Variants in ROBO4 observed in about 807,000 individuals in gnomAD.
The protein encoded by ROBO4 is roundabout guidance receptor 4, also known as roundabout homolog 4.
Under a neutral mutation model 103.3 loss-of-function variants are expected in ROBO4, and 80 were observed. That is an observed-to-expected ratio of 0.77 (90% CI 0.65 to 0.93). The LOEUF (loss-of-function observed/expected upper bound fraction) is 0.93. Among genes scored for constraint, ROBO4 ranks in the 40% least tolerant of loss-of-function variants. The pLI, the probability that ROBO4 is intolerant of heterozygous loss-of-function variation, is 0.00. For synonymous variants in ROBO4, 504 were observed against 529.7 expected (o/e 0.95, Z 0.67); for missense variants, 1,333 against 1,305.3 (o/e 1.02, Z -0.33).
Position 124,891,525 on chromosome 11 carries a change from C to T in ROBO4, c.1722G>A (p.Leu574=). 6.2e-7 allele frequency: 1 copy of T among 1,614,164 alleles called. No individual in the cohort carries two copies. The highest frequency in any genetic ancestry group is 1.1e-5 in the South Asian group (1 of 91,080). The change falls in exon 12 of 18, where the codon CTG becomes CTA. Residue 574 remains leucine (L), a synonymous_variant. Transcript: ENST00000306534. ...SWDSRSPGVP[L]LPDTSTFYGS... is the part of the protein sequence containing the mutation. ...CATAAAAAGTGCTGGTGTCTGGAAG[C>T]AGGGGCACGCCGGGGCTTCGGGAGT...
Position 124,887,403 on chromosome 11 carries a change from G to A in ROBO4, c.2153C>T (p.Pro718Leu), listed in dbSNP as rs74979341. ...ELVTRHLPPA[P>L]LFPHETPPTQ... ...TGGGGGAGTTTCATGAGGAAAGAGG[G>A]GTGCTGGAGGGAGATGACGAGTAAC... Residue 718 changes from proline (P) to leucine (L), a missense_variant, in exon 14 of 18, where the codon CCC (proline) becomes CTC (leucine). Transcript: ENST00000306534. The A allele has an allele frequency of 6.2e-4, 1,006 of 1,614,080 alleles. 9 individuals are homozygous for A. In the African/African-American group the frequency reaches 0.012, roughly 19 times the overall value.
chr11:124,884,728 A>G lies in ROBO4; in HGVS notation c.*163T>C. On this transcript the variant is annotated 3_prime_UTR_variant, in exon 18 of 18. Coordinates refer to ENST00000306534, the MANE Select transcript of ROBO4 (RefSeq NM_019055.6). ...TCAGCTTTGCTCTAATTTTGTTTTCATTTGTTTTCACAATCGTGGAGGGAG... is the reference window on the plus strand; with the variant it reads ...TCAGCTTTGCTCTAATTTTGTTTTCGTTTGTTTTCACAATCGTGGAGGGAG... The G allele has an allele frequency of 1.2e-6, 1 of 809,548 alleles. No homozygotes were observed. Among genetic ancestry groups the G allele is most frequent in the East Asian group, 2.5e-5 (1 of 40,638 alleles). The allele number at this position is 809,548 out of a possible 1,614,324, so 50.1% of individuals were successfully genotyped here.
chr11:124,886,413 T>C (rs776041909), intron 16 of ROBO4, 51 bp downstream of exon 16: 1 of 1,398,394 alleles, frequency 7.2e-7, no homozygotes, highest in South Asian at 1.3e-5. Context: ...TAACAGTTGT[T>C]AGAAAGGCAA....
rs982457940 is a variant in ROBO4 at position 124,894,986 on chromosome 11, C to T, written c.1149+95G>A. The T allele has an allele frequency of 5.2e-6, 5 of 960,070 alleles. No homozygotes were observed. The Admixed American group carries it at 8.0e-5, about 15-fold the overall frequency. 59.5% of individuals were successfully genotyped at this position (960,070 alleles called of 1,614,324 possible). On this transcript the variant is annotated intron_variant, in intron 7 of 17. Coordinates refer to ENST00000306534, the MANE Select transcript of ROBO4 (RefSeq NM_019055.6). ...TTTCCTTTGCTTCTCTGCCCAGGTA[C>T]CTTTCTCAGTGCCCAGAGCAAGGGT...
In ROBO4 at chr11:124,895,561, C is replaced by T. The variant is rs1946872214; in HGVS notation, c.932G>A (p.Gly311Glu). The T allele has an allele frequency of 6.2e-7, 1 of 1,613,018 alleles. No individual in the cohort carries two copies. The change falls in exon 6 of 18, where the codon GGA becomes GAA. Residue 311 changes from glycine (G) to glutamate (E), a missense_variant. Coordinates refer to ENST00000306534, the MANE Select transcript of ROBO4 (RefSeq NM_019055.6). ...LLAGWQSAEL[G>E]GLHWGQDYEF... ...GTAGTCTTGGCCCCAGTGGAGGCCT[C>T]CAAGCTCTGCGCTCTGCCAGCCGGC...
intron 16 of ROBO4, among the ~76,000 whole-genome samples, chr11:124,886,070 A>C (rs557454207): frequency 6.6e-6 from 1 of 152,310 alleles, no homozygotes; most frequent in Non-Finnish European, 1.5e-5. Context: ...AGGTGCCTGT[A>C]ATCCCAGCTA....
Position 124,884,478 on chromosome 11 carries a change from C to T in ROBO4, c.*413G>A, listed in dbSNP as rs143246734. 138 of 224,936 alleles carry T rather than the reference C, an allele frequency of 6.1e-4. 1 individual carries two copies. The East Asian group carries it at 6.4e-3, about 10-fold the overall frequency. The allele number at this position is 224,936 out of a possible 1,614,324, so 13.9% of individuals were successfully genotyped here. A position where few individuals can be genotyped will look rare whatever the true frequency, so the allele number is the denominator to read the frequency against. ...CCCAGGTAAGGCTGAGAGGGGGCTCCGAGAAGCTCCTTCCTCCACAGCCCT... is the reference window on the plus strand; with the variant it reads ...CCCAGGTAAGGCTGAGAGGGGGCTCTGAGAAGCTCCTTCCTCCACAGCCCT... On this transcript the variant is annotated 3_prime_UTR_variant, in exon 18 of 18. Coordinates refer to ENST00000306534, the MANE Select transcript of ROBO4 (RefSeq NM_019055.6).
rs769724080 is a variant in ROBO4 at position 124,887,053 on chromosome 11, C to T, written c.2359G>A (p.Glu787Lys). 2 of 1,613,826 alleles carry T rather than the reference C, an allele frequency of 1.2e-6. No homozygotes were observed. The highest frequency in any genetic ancestry group is 1.1e-5 in the South Asian group (1 of 91,082). ...GGGGTCAGCACGCTGTCTTGATCCT[C>T]CCCCAGGGATGACAGTGAGGAGCTG... ...LSSSSLSSLG[E>K]DQDSVLTPEE... The change falls in exon 15 of 18, where the codon GAG (glutamate) becomes AAG (lysine). Residue 787 changes from glutamate to lysine, a missense_variant. Glu to Lys is a moderately conservative substitution (Grantham distance 56). Coordinates refer to ENST00000306534, the MANE Select transcript of ROBO4 (RefSeq NM_019055.6).
rs945400191 is a variant in ROBO4 at position 124,884,028 on chromosome 11, C to T, written c.*863G>A. 1 of 152,164 alleles carries T rather than the reference C, an allele frequency of 6.6e-6. No individual in the cohort carries two copies. Among genetic ancestry groups the T allele is most frequent in the Non-Finnish European group, 1.5e-5 (1 of 68,058 alleles). The allele number at this position is 152,164 out of a possible 1,614,324, so 9.4% of individuals were successfully genotyped here. A position where few individuals can be genotyped will look rare whatever the true frequency, so the allele number is the denominator to read the frequency against. On this transcript the variant is annotated 3_prime_UTR_variant, in exon 18 of 18. Transcript: ENST00000306534. ...GACCAGCAGACCCTGAAACTCCCCACCCCTGCCCTTCCTATATTCTGCTTA... is the reference window on the plus strand; with the variant it reads ...GACCAGCAGACCCTGAAACTCCCCATCCCTGCCCTTCCTATATTCTGCTTA...
At position 124,895,575 on chromosome 11, in the gene ROBO4, C is replaced by T; in HGVS notation, c.918G>A (p.Gln306=). 3 of 1,613,350 alleles carry T rather than the reference C, an allele frequency of 1.9e-6. No homozygotes were observed. Among genetic ancestry groups the T allele is most frequent in the Non-Finnish European group, 1.7e-6 (2 of 1,180,020 alleles). ...PWAEELLAGW[Q]SAELGGLHWG... is the part of the protein sequence containing the mutation. ...AGTGGAGGCCTCCAAGCTCTGCGCTCTGCCAGCCGGCCAGCAGCTCCTCTG... is the reference window on the plus strand; with the variant it reads ...AGTGGAGGCCTCCAAGCTCTGCGCTTTGCCAGCCGGCCAGCAGCTCCTCTG... Residue 306 remains glutamine, a synonymous_variant, in exon 6 of 18, where the codon CAG becomes CAA. Transcript: ENST00000306534.
Position 124,884,741 on chromosome 11 carries a change from A to G in ROBO4, c.*150T>C, listed in dbSNP as rs891971551. On this transcript the variant is annotated 3_prime_UTR_variant, in exon 18 of 18. Transcript: ENST00000306534. ...AATTTTGTTTTCATTTGTTTTCACA[A>G]TCGTGGAGGGAGAACTCTCTGGAGG... 33 of 885,858 alleles carry G rather than the reference A, an allele frequency of 3.7e-5. No individual in the cohort carries two copies. The highest frequency in any genetic ancestry group is 6.2e-5 in the Admixed American group (3 of 48,546). 54.9% of individuals were successfully genotyped at this position (885,858 alleles called of 1,614,324 possible). A position where few individuals can be genotyped will look rare whatever the true frequency, so the allele number is the denominator to read the frequency against.
intron 16 of ROBO4, among the ~76,000 whole-genome samples, chr11:124,885,873 C>CTA (rs1946703234): frequency 6.6e-6 from 1 of 152,098 alleles, no homozygotes; most frequent in African/African-American, 2.4e-5. Context: ...GGAAATGGAC[C>CTA]TACAGTTGGC....
rs1565326476 is a variant in ROBO4, at chr11:124,894,286, A to T, written c.1233T>A (p.His411Gln). 1.2e-6 allele frequency: 2 copies of T among 1,614,078 alleles called. No homozygotes were observed. The highest frequency in any genetic ancestry group is 1.7e-6 in the Non-Finnish European group (2 of 1,180,000). ...CTTGCACGCAGTAGGAGCCTGGCAT[A>T]TGGGTGGCGATTTCCAGCTGGGTCT... ...GEQTQLEIAT[H>Q]MPGSYCVQVA... is the part of the protein sequence containing the mutation. Residue 411 changes from histidine to glutamine, a missense_variant, in exon 8 of 18, where the codon CAT (histidine) becomes CAA (glutamine). Coordinates refer to ENST00000306534, the MANE Select transcript of ROBO4 (RefSeq NM_019055.6).
chr11:124,895,838 G>A lies in ROBO4; in HGVS notation c.754C>T (p.Pro252Ser). Residue 252 changes from proline to serine, a missense_variant, in exon 5 of 18, where the codon CCG becomes TCG. Pro to Ser is a moderately conservative substitution (Grantham distance 74). Coordinates refer to ENST00000306534, the MANE Select transcript of ROBO4 (RefSeq NM_019055.6). The stretch of plus-strand genomic sequence containing the variant: ...GGCTTGGGGCCCTCTGCAGGATCCG[G>A]GTTCAGCAGTGTCACATTTTCCAGC... ...IQLENVTLLN[P>S]DPAEGPKPRP... is the part of the protein sequence containing the mutation. 1 of 1,614,158 alleles carries A rather than the reference G, an allele frequency of 6.2e-7. No homozygotes were observed. The highest frequency in any genetic ancestry group is 8.5e-7 in the Non-Finnish European group (1 of 1,180,032).
Position 124,886,610 on chromosome 11 carries a change from T to C in ROBO4, c.2648A>G (p.Asp883Gly). The change falls in exon 16 of 18, where the codon GAC (aspartate) becomes GGC (glycine). Residue 883 changes from aspartate to glycine, a missense_variant. Transcript: ENST00000306534. The stretch of plus-strand genomic sequence containing the variant: ...GCTGGCTCTGGCGCTGGCGGCATTG[T>C]CCTCAGAGGCTGAGCCCCAACCATT... ...LANGWGSASE[D>G]NAASARASLV... is the part of the protein sequence containing the mutation. 6.2e-7 allele frequency: 1 copy of C among 1,614,152 alleles called. No homozygotes were observed. The highest frequency in any genetic ancestry group is 1.1e-5 in the South Asian group (1 of 91,084).
At chr11:124,891,251 G>A (rs375136433) in intron 12 of ROBO4, 48 bp downstream of exon 12, 80 of 1,494,074 alleles carry the variant, frequency 5.4e-5, no homozygotes, top group Non-Finnish European at 6.5e-5. Flanking sequence ...CCCATTCCTG[G>A]GCCCGCCTAC....
Position 124,895,513 on chromosome 11 carries a change from G to A in ROBO4, c.980C>T (p.Ser327Phe). The A allele has an allele frequency of 6.2e-7, 1 of 1,611,748 alleles. No homozygotes were observed. The highest frequency in any genetic ancestry group is 8.5e-7 in the Non-Finnish European group (1 of 1,180,014). Reference sequence around the variant, plus strand: ...GCTGTCAGGGCCTCGAGCCCGGCCAGAGGATGGTCTCACTTTGAACTCGTA... The same window carrying A: ...GCTGTCAGGGCCTCGAGCCCGGCCAAAGGATGGTCTCACTTTGAACTCGTA... ...QDYEFKVRPSSGRARGPDSNV... is the reference protein window; with the variant it reads ...QDYEFKVRPSFGRARGPDSNV... Residue 327 changes from serine (S) to phenylalanine (F), a missense_variant, in exon 6 of 18, where the codon TCT becomes TTT. Transcript: ENST00000306534.
Position 124,891,494 on chromosome 11 carries a change from G to A in ROBO4, c.1753C>T (p.Leu585Phe). The part of the protein sequence containing the change: ...LPDTSTFYGS[L>F]IAELPSSTPA... ...GTACTGGAGGGCAGCTCAGCGATGA[G>A]GGAGCCATAAAAAGTGCTGGTGTCT... Residue 585 changes from leucine (L) to phenylalanine (F), a missense_variant, in exon 12 of 18, where the codon CTC becomes TTC. Transcript: ENST00000306534. 6.2e-7 allele frequency: 1 copy of A among 1,614,030 alleles called. No homozygotes were observed. Among genetic ancestry groups the A allele is most frequent in the Non-Finnish European group, 8.5e-7 (1 of 1,179,928 alleles).
At position 124,897,778 on chromosome 11, in the gene ROBO4, G is replaced by A. The variant is rs745770590; in HGVS notation, c.18C>T (p.Asp6=). 1.5e-5 allele frequency: 24 copies of A among 1,613,530 alleles called. No individual in the cohort carries two copies. The highest frequency in any genetic ancestry group is 1.8e-5 in the Non-Finnish European group (21 of 1,179,780). ...GGGAACCCCTGCCCCCCAGGAGGCT[G>A]TCTCCTCCAGAGCCCATGGCTACTC... is the stretch of plus-strand genomic sequence containing the variant. MGSGG[D]SLLGGRGSLP... Residue 6 remains aspartate (D), a synonymous_variant, in exon 1 of 18, where the codon GAC becomes GAT. Transcript: ENST00000306534.
Sources: gnomAD v4.1 joint callset for allele counts (sites outside exome capture counted in the v4.1 genomes callset) on GRCh38, gnomAD v4.1.1 for gene constraint, MANE v1.5 for transcripts, NCBI Gene and HGNC (gene_info 2026-07-23, HGNC 2026-07-21) for gene names.